KLHL14: variants seen among roughly 807,000 people sequenced by gnomAD.
KLHL14 encodes the protein kelch-like protein 14.
KLHL14 carries 22 observed loss-of-function variants against 64.3 expected under a neutral mutation model. The observed-to-expected ratio is 0.34, with a 90% CI of 0.24 to 0.49. KLHL14 has a LOEUF of 0.49. Ranked by LOEUF, KLHL14 falls within the 20% of genes least tolerant of loss-of-function variation. The probability of loss-of-function intolerance (pLI) is 0.99; values close to 1 mark genes in which losing one functional copy is unlikely to be tolerated. For missense variants in KLHL14, 661 were observed against 789.0 expected, an observed-to-expected ratio of 0.84 and a Z score of 1.94; for synonymous variants, 322 against 333.4, an observed-to-expected ratio of 0.97 and a Z score of 0.37.
intron 3 of KLHL14, among the ~76,000 whole-genome samples, chr18:32,709,357 T>G (rs1365278790): frequency 1.3e-5 from 2 of 152,204 alleles, no homozygotes; most frequent in African/African-American, 4.8e-5. Flanking sequence ...AAGAGAGACC[T>G]TTCCTGACAG....
At chr18:32,699,520 A>G (rs1387171753) in intron 3 of KLHL14, among the ~76,000 whole-genome samples, 1 of 152,116 alleles carries the variant, frequency 6.6e-6, no homozygotes, top group Non-Finnish European at 1.5e-5. Context: ...AGGCCTTGAG[A>G]GGGTAAGTCA....
chr18:32,734,073 G>A, intron 3 of KLHL14: 2 of 679,414 alleles, frequency 2.9e-6, no homozygotes, highest in Admixed American at 4.1e-5. Flanking sequence ...TCCCCTTGGA[G>A]GAGAGGTGAG....
intron 2 of KLHL14, among the ~76,000 whole-genome samples, chr18:32,759,697 TTC>T (rs140880053): frequency 0.36 from 53,221 of 148,182 alleles, 9,733 homozygotes; most frequent in African/African-American, 0.42. Context: ...CATTATAACC[TTC>T]TCTCTCTCTC....
chr18:32,686,874 C>T (rs2049881993), intron 5 of KLHL14, among the ~76,000 whole-genome samples: 1 of 151,948 alleles, frequency 6.6e-6, no homozygotes, highest in Non-Finnish European at 1.5e-5. Flanking sequence ...GTGGTATAGC[C>T]AGAGAAATTG....
At chr18:32,687,075 T>C (rs890050131) in intron 5 of KLHL14, 80 bp downstream of exon 5, 3 of 1,179,888 alleles carry the variant, frequency 2.5e-6, no homozygotes, top group African/African-American at 1.5e-5. Context: ...TTAGCATTCC[T>C]TCTTACAAAA....
intron 3 of KLHL14, among the ~76,000 whole-genome samples, chr18:32,720,156 T>C (rs1006174756): frequency 3.5e-4 from 53 of 152,132 alleles, no homozygotes; most frequent in African/African-American, 1.3e-3. Context: ...TGGAGGAAGA[T>C]GTGTGGGATA....
chr18:32,730,510 T>A (rs1188596641), intron 3 of KLHL14, among the ~76,000 whole-genome samples: 1 of 152,204 alleles, frequency 6.6e-6, no homozygotes, highest in African/African-American at 2.4e-5. Flanking sequence ...TCAGAGGCAT[T>A]ATAATAGAAA....
At chr18:32,749,149 C>T (rs1372863982) in intron 2 of KLHL14, among the ~76,000 whole-genome samples, 1 of 152,208 alleles carries the variant, frequency 6.6e-6, no homozygotes, top group Non-Finnish European at 1.5e-5. Context: ...TGAAATGATA[C>T]TAAATCATTG....
intron 2 of KLHL14, chr18:32,745,331 C>T (rs2050219097): frequency 6.6e-6 from 1 of 152,030 alleles, no homozygotes; most frequent in Non-Finnish European, 1.5e-5. Context: ...AATTGAAACC[C>T]AAAATAGGAT....
intron 3 of KLHL14, among the ~76,000 whole-genome samples, chr18:32,714,149 C>G (rs1273178210): frequency 6.6e-6 from 1 of 151,968 alleles, no homozygotes; most frequent in Non-Finnish European, 1.5e-5. Context: ...TTGCAATTTA[C>G]AAATGCAATT....
chr18:32,731,026 T>C (rs2144519954), intron 3 of KLHL14, among the ~76,000 whole-genome samples: 1 of 152,236 alleles, frequency 6.6e-6, no homozygotes, highest in Admixed American at 6.5e-5. Flanking sequence ...GTCCTTAAGG[T>C]ATCAGCACAG....
intron 4 of KLHL14, among the ~76,000 whole-genome samples, chr18:32,694,301 T>C (rs2049926673): frequency 6.6e-6 from 1 of 152,234 alleles, no homozygotes; most frequent in South Asian, 2.1e-4. Context: ...AAATCACATC[T>C]AAAGAAGGAT....
chr18:32,730,797 G>GGTTATT (rs1436711002), intron 3 of KLHL14, among the ~76,000 whole-genome samples: 1 of 152,096 alleles, frequency 6.6e-6, no homozygotes, highest in African/African-American at 2.4e-5. Flanking sequence ...AACTCACAAA[G>GGTTATT]GTTATTGTTC....
chr18:32,696,258 C>A (rs151199480), intron 3 of KLHL14, among the ~76,000 whole-genome samples: 23 of 152,170 alleles, frequency 1.5e-4, no homozygotes, highest in African/African-American at 5.3e-4. Context: ...TTCTCTCTGC[C>A]CAAATGTGGT....
chr18:32,715,965 T>C (rs917269843), intron 3 of KLHL14, among the ~76,000 whole-genome samples: 1 of 152,182 alleles, frequency 6.6e-6, no homozygotes, highest in African/African-American at 2.4e-5. Context: ...GGATCTTCAA[T>C]TGGAAAATCT....
rs773359453 is a variant in KLHL14, at chr18:32,770,242, G to C, written c.350C>G (p.Thr117Ser). The change falls in exon 2 of 9, where the codon ACC becomes AGC. Residue 117 changes from threonine (T) to serine (S), a missense_variant. Coordinates refer to ENST00000359358, the MANE Select transcript of KLHL14 (RefSeq NM_020805.3). The surrounding 1 kb of genome is among the most constrained non-coding windows in gnomAD (Gnocchi z 6.7). ...PSSSPDDKLL[T>S]SPRAINNLVL... ...CAGGTTGTTGATGGCCCGGGGGCTGGTCAGCAGCTTGTCGTCGGGGGAGGA... is the reference window on the plus strand; with the variant it reads ...CAGGTTGTTGATGGCCCGGGGGCTGCTCAGCAGCTTGTCGTCGGGGGAGGA... The C allele has an allele frequency of 1.9e-6, 3 of 1,600,810 alleles. No individual in the cohort carries two copies. Among genetic ancestry groups the C allele is most frequent in the Non-Finnish European group, 2.6e-6 (3 of 1,171,286 alleles).
At chr18:32,681,272 A>G (rs2049837348) in intron 5 of KLHL14, among the ~76,000 whole-genome samples, 1 of 152,276 alleles carries the variant, frequency 6.6e-6, no homozygotes, top group Admixed American at 6.5e-5. Context: ...CCATTATGCC[A>G]TCAAAGCAAA....
chr18:32,744,203 G>A (rs981125358), intron 2 of KLHL14: 3 of 152,158 alleles, frequency 2.0e-5, no homozygotes, highest in African/African-American at 7.2e-5. Flanking sequence ...GGCCCGGCGT[G>A]GTGGCTCATG....
chr18:32,747,660 G>A (rs1251530316), intron 2 of KLHL14, among the ~76,000 whole-genome samples: 2 of 151,994 alleles, frequency 1.3e-5, no homozygotes, highest in Non-Finnish European at 2.9e-5. Flanking sequence ...CCTGCTGTAC[G>A]GCCCAGTTCC....
Sources: allele counts gnomAD v4.1 joint callset (sites outside exome capture counted in the v4.1 genomes callset), GRCh38; gene constraint gnomAD v4.1.1; non-coding constraint Gnocchi (gnomAD v3.1); transcripts MANE v1.5; gene names NCBI Gene and HGNC (gene_info 2026-07-23, HGNC 2026-07-21).